Variants in KAZN observed in about 807,000 individuals in gnomAD.
KAZN encodes kazrin.
In KAZN, 40 loss-of-function variants were observed where a neutral mutation model predicts 87.4. The ratio of observed to expected loss-of-function variants is 0.46; its 90% CI spans 0.36 to 0.60. The LOEUF (loss-of-function observed/expected upper bound fraction) is 0.60, where lower values mean the gene tolerates loss of function less well. Ranked by LOEUF, KAZN falls within the 20% of genes least tolerant of loss-of-function variation. KAZN has a pLI of 0.00. For synonymous variants in KAZN, 466 were observed against 458.3 expected (o/e 1.02, Z -0.22); for missense variants, 898 against 1,073.9 (o/e 0.84, Z 2.29).
At chr1:14,444,437 C>T (rs1322428888) in intron 2 of KAZN, among the ~76,000 whole-genome samples, 1 of 151,674 alleles carries the variant, frequency 6.6e-6, no homozygotes, top group African/African-American at 2.4e-5. Flanking sequence ...CTCAGCCTCC[C>T]GAGTAGCTGG....
chr1:15,098,469 G>T (rs985552852), intron 10 of KAZN, among the ~76,000 whole-genome samples: 10 of 152,234 alleles, frequency 6.6e-5, no homozygotes, highest in African/African-American at 2.4e-4. Flanking sequence ...TCTCGAGTAG[G>T]TTAAGTGGGG....
At chr1:14,488,661 C>T (rs1669481401) in intron 2 of KAZN, among the ~76,000 whole-genome samples, 1 of 152,222 alleles carries the variant, frequency 6.6e-6, no homozygotes, top group Non-Finnish European at 1.5e-5. Flanking sequence ...TTCACCACCC[C>T]TTCCTCCAAC....
Position 15,001,596 on chromosome 1 carries a change from G to T in KAZN, c.419-33153G>T, listed in dbSNP as rs371249036. On this transcript the variant is annotated intron_variant, in intron 2 of 14. Transcript: ENST00000376030. ...GTGCACACAGAGCACTTTCCACAGAGCCTGGCACAGGGCACTGCCCCATGA... is the reference window on the plus strand; with the variant it reads ...GTGCACACAGAGCACTTTCCACAGATCCTGGCACAGGGCACTGCCCCATGA... Among the ~76,000 whole-genome samples, 10 of 152,266 alleles carry T rather than the reference G, an allele frequency of 6.6e-5. No homozygotes were observed. In the East Asian group the frequency reaches 9.7e-4, roughly 15 times the overall value.
At chr1:14,990,803 A>G (rs1667275657) in intron 2 of KAZN, among the ~76,000 whole-genome samples, 1 of 151,578 alleles carries the variant, frequency 6.6e-6, no homozygotes, top group Non-Finnish European at 1.5e-5. Context: ...AGGACCTCAG[A>G]ATATGACCTC....
rs909780632 is a variant in KAZN, at chr1:14,769,546, G to T, written c.226+170323G>T. Among the ~76,000 whole-genome samples the T allele has an allele frequency of 6.6e-6, 1 of 152,048 alleles. No individual in the cohort carries two copies. The highest frequency in any genetic ancestry group is 2.4e-5 in the African/African-American group (1 of 41,392). On this transcript the variant is annotated intron_variant, in intron 1 of 14. Transcript: ENST00000376030. This position sits in a 1 kb window ranked among gnomAD's most constrained non-coding sequence, Gnocchi z 4.1. ...ATTTTGTATTTTTAGTAGAGACAGG[G>T]TTTCACCATGTTGGCCAGACTAGTT...
intron 1 of KAZN, among the ~76,000 whole-genome samples, chr1:13,901,116 C>A (rs1004628038): frequency 6.6e-6 from 1 of 151,786 alleles, no homozygotes. Context: ...GGCCAAGAAC[C>A]GACCGGTTAT....
At chr1:14,608,978 A>G (rs1339613934) in intron 1 of KAZN, among the ~76,000 whole-genome samples, 1 of 152,168 alleles carries the variant, frequency 6.6e-6, no homozygotes, top group Non-Finnish European at 1.5e-5. Context: ...TGGCAAGAAT[A>G]CGCTCACCGT....
At chr1:14,582,437 T>C (rs74057873) in intron 2 of KAZN, among the ~76,000 whole-genome samples, 2,949 of 152,284 alleles carry the variant, frequency 0.019, 93 homozygotes, top group African/African-American at 0.066. Flanking sequence ...AGAGACCGAC[T>C]CTTCAGCTTG....
chr1:14,057,606 A>T (rs541137631), intron 1 of KAZN, among the ~76,000 whole-genome samples: 1 of 152,306 alleles, frequency 6.6e-6, no homozygotes, highest in South Asian at 2.1e-4. Flanking sequence ...GATGCATGCA[A>T]TGCCTAACAC....
At chr1:14,930,623 G>A (rs550308796) in intron 1 of KAZN, among the ~76,000 whole-genome samples, 17 of 152,296 alleles carry the variant, frequency 1.1e-4, no homozygotes, top group African/African-American at 4.1e-4. Flanking sequence ...CCCATCTTAC[G>A]GGTGAGACCA....
chr1:14,977,595 T>C (rs113531865), intron 2 of KAZN, among the ~76,000 whole-genome samples: 22 of 152,326 alleles, frequency 1.4e-4, no homozygotes, highest in African/African-American at 5.3e-4. Flanking sequence ...CCTGCCGAGG[T>C]TGGCAATGGG....
chr1:15,037,854 A>G (rs12127303), intron 3 of KAZN, among the ~76,000 whole-genome samples: 32,348 of 151,926 alleles, frequency 0.21, 3,633 homozygotes, highest in Non-Finnish European at 0.26. Context: ...AGGAACCCAG[A>G]CAAGTCCTTC....
At chr1:14,109,127 C>T (rs1037015247) in intron 1 of KAZN, among the ~76,000 whole-genome samples, 4 of 152,144 alleles carry the variant, frequency 2.6e-5, no homozygotes, top group Admixed American at 2.6e-4. Flanking sequence ...AGAGGTACTG[C>T]CTGGGTACCG....
chr1:14,613,115 G>A (rs1247547181), intron 1 of KAZN, among the ~76,000 whole-genome samples: 1 of 152,142 alleles, frequency 6.6e-6, no homozygotes, highest in East Asian at 1.9e-4. Context: ...TGTTGAGTGT[G>A]CGTCCTAGCC....
At position 15,049,029 on chromosome 1, in the gene KAZN, T is replaced by C. The variant is rs185546566; in HGVS notation, c.726+4870T>C. ...CCGTCTTCATGCGCAGTCACTCCAG[T>C]GAGGTCTGTATTCTTACGGTTTCGG... On this transcript the variant is annotated intron_variant, in intron 4 of 14. Transcript: ENST00000376030. Among the ~76,000 whole-genome samples, 15 of 152,284 alleles carry C rather than the reference T, an allele frequency of 9.9e-5. No individual in the cohort carries two copies. The East Asian group carries it at 2.9e-3, about 29-fold the overall frequency.
At chr1:14,666,884 C>G (rs185178330) in intron 1 of KAZN, among the ~76,000 whole-genome samples, 1 of 152,050 alleles carries the variant, frequency 6.6e-6, no homozygotes, top group Non-Finnish European at 1.5e-5. Flanking sequence ...TACAGGCGTG[C>G]GCCACCACAC....
chr1:15,050,830 T>C (rs1442736668), intron 4 of KAZN, among the ~76,000 whole-genome samples: 1 of 152,154 alleles, frequency 6.6e-6, no homozygotes, highest in East Asian at 1.9e-4. Context: ...CGAGCCTGCA[T>C]TGGTCCTTGG....
chr1:14,427,941 C>A (rs941482513), intron 2 of KAZN, among the ~76,000 whole-genome samples: 3 of 152,100 alleles, frequency 2.0e-5, no homozygotes, highest in Non-Finnish European at 2.9e-5. Context: ...GTATGGATTT[C>A]TTTCAGGCTG....
intron 1 of KAZN, among the ~76,000 whole-genome samples, chr1:14,781,898 A>T (rs1001540394): frequency 2.6e-5 from 4 of 152,236 alleles, no homozygotes; most frequent in African/African-American, 9.6e-5. Flanking sequence ...TTGGTGGTTC[A>T]TATACGGACT....
Sources: allele counts gnomAD v4.1 joint callset (sites outside exome capture counted in the v4.1 genomes callset), GRCh38; gene constraint gnomAD v4.1.1; non-coding constraint Gnocchi (gnomAD v3.1); transcripts MANE v1.5; gene names NCBI Gene and HGNC (gene_info 2026-07-23, HGNC 2026-07-21).